AGBL4: variants seen among roughly 807,000 people sequenced by gnomAD.
AGBL4 encodes AGBL carboxypeptidase 4.
In AGBL4, 58 loss-of-function variants were observed where a neutral mutation model predicts 66.4. The observed-to-expected ratio is 0.87, with a 90% confidence interval of 0.71 to 1.09. The LOEUF is 1.09. Ranked by LOEUF, AGBL4 falls within the 50% of genes least tolerant of loss-of-function variation. The pLI, the probability that AGBL4 is intolerant of heterozygous loss-of-function variation, is 0.00. For missense variants in AGBL4, 579 were observed against 631.0 expected, an observed-to-expected ratio of 0.92 and a Z score of 0.88; for synonymous variants, 234 against 222.9, an observed-to-expected ratio of 1.05 and a Z score of -0.44.
intron 9 of AGBL4, among the ~76,000 whole-genome samples, chr1:48,602,033 CT>C (rs1239325818): frequency 2.6e-5 from 4 of 152,068 alleles, no homozygotes; most frequent in Non-Finnish European, 5.9e-5. Context: ...ATGTTGCTTC[CT>C]TATAAATCAA....
chr1:49,354,240 C>T (rs1201355900), intron 3 of AGBL4, among the ~76,000 whole-genome samples: 2 of 152,226 alleles, frequency 1.3e-5, no homozygotes, highest in Non-Finnish European at 2.9e-5. Context: ...ATAAATGAGC[C>T]ACAACATTGT....
chr1:49,545,502 A>G (rs1652401045), intron 3 of AGBL4, among the ~76,000 whole-genome samples: 1 of 152,168 alleles, frequency 6.6e-6, no homozygotes, highest in Non-Finnish European at 1.5e-5. Flanking sequence ...CACAGAAACT[A>G]TATGTTGTTT....
At chr1:49,849,478 TACACACAC>T (rs772101356) in intron 2 of AGBL4, among the ~76,000 whole-genome samples, 2 of 135,826 alleles carry the variant, frequency 1.5e-5, no homozygotes, top group Non-Finnish European at 3.1e-5. Flanking sequence ...AAAGTATACA[TACACACAC>T]ACACACACAC....
At chr1:48,972,590 G>A (rs1658999732) in intron 5 of AGBL4, among the ~76,000 whole-genome samples, 1 of 152,096 alleles carries the variant, frequency 6.6e-6, no homozygotes, top group Admixed American at 6.6e-5. Context: ...TTCTTACAGC[G>A]TAGCTAGAAT....
In AGBL4 at chr1:48,539,651, G is replaced by A. The variant is rs955516176; in HGVS notation, c.1355C>T (p.Pro452Leu). Residue 452 changes from proline to leucine, a missense_variant, in exon 12 of 14, where the codon CCG becomes CTG. Pro to Leu is a moderately conservative substitution (Grantham distance 98, BLOSUM62 -3). Coordinates refer to ENST00000371839, the MANE Select transcript of AGBL4 (RefSeq NM_032785.4). ...PVVEKVAIPM[P>L]RLRNKEIEVQ... ...CTGCTCTGCCACTTACCGCAGTCTC[G>A]GCATGGGAATTGCCACCTTTTCAAC... 24 of 1,540,244 alleles carry A rather than the reference G, an allele frequency of 1.6e-5. No individual in the cohort carries two copies. Among genetic ancestry groups the A allele is most frequent in the African/African-American group, 9.7e-5 (7 of 72,326 alleles).
chr1:49,205,606 A>G (rs1395284563), intron 4 of AGBL4, among the ~76,000 whole-genome samples: 1 of 152,094 alleles, frequency 6.6e-6, no homozygotes, highest in Admixed American at 6.6e-5. Flanking sequence ...AGACTCTGGT[A>G]CAAGCCCCAG....
intron 3 of AGBL4, among the ~76,000 whole-genome samples, chr1:49,267,503 A>C (rs1179974175): frequency 6.6e-6 from 1 of 152,114 alleles, no homozygotes; most frequent in Non-Finnish European, 1.5e-5. Context: ...ACACAGTGAA[A>C]CCCTGTCTCT....
rs377669215 is a variant in AGBL4 at position 49,929,505 on chromosome 1, G to C, written c.35-77987C>G. ...CCAGTAAAAATATGTGCCAAAAACTGAAGTAAATAAGTAAATTTTGTGGAA... is the reference window on the plus strand; with the variant it reads ...CCAGTAAAAATATGTGCCAAAAACTCAAGTAAATAAGTAAATTTTGTGGAA... On this transcript the variant is annotated intron_variant, in intron 1 of 13. Coordinates refer to ENST00000371839, the MANE Select transcript of AGBL4 (RefSeq NM_032785.4). Among the ~76,000 whole-genome samples the C allele has an allele frequency of 3.3e-4, 50 of 152,076 alleles. 1 individual carries two copies. The South Asian group carries it at 9.6e-3, about 29-fold the overall frequency.
rs77648005 is a variant in AGBL4 at position 48,879,182 on chromosome 1, A to G, written c.595-11952T>C. 3.6e-3 allele frequency among the ~76,000 whole-genome samples: 542 copies of G among 151,904 alleles called. 4 individuals are homozygous for G. Among genetic ancestry groups the G allele is most frequent in the Non-Finnish European group, 6.0e-3 (406 of 67,962 alleles). On this transcript the variant is annotated intron_variant, in intron 5 of 13. Coordinates refer to ENST00000371839, the MANE Select transcript of AGBL4 (RefSeq NM_032785.4). ...ATACCTTTTGTTACATGGAGAAAGC[A>G]AATGTGTTCAGTATAAAAAAAAAAA... is the stretch of plus-strand genomic sequence containing the variant.
chr1:49,717,381 A>T (rs1442998585), intron 2 of AGBL4, among the ~76,000 whole-genome samples: 1 of 152,062 alleles, frequency 6.6e-6, no homozygotes, highest in African/African-American at 2.4e-5. Flanking sequence ...ATTGTGGCTT[A>T]GCATTTTATT....
intron 12 of AGBL4, among the ~76,000 whole-genome samples, chr1:48,536,021 C>T (rs534749416): frequency 6.6e-6 from 1 of 152,018 alleles, no homozygotes; most frequent in African/African-American, 2.4e-5. Flanking sequence ...TGCATAGAAG[C>T]CATGACAATA....
chr1:49,967,229 T>C (rs139467656), intron 1 of AGBL4, among the ~76,000 whole-genome samples: 179 of 152,320 alleles, frequency 1.2e-3, no homozygotes, highest in African/African-American at 4.2e-3. Context: ...CTCACTGTGG[T>C]TTTGATTTGC....
At chr1:48,929,232 G>C (rs896157157) in intron 5 of AGBL4, among the ~76,000 whole-genome samples, 2 of 152,280 alleles carry the variant, frequency 1.3e-5, no homozygotes, top group South Asian at 4.2e-4. Context: ...AGATTAAAAT[G>C]TATCCCACGG....
chr1:49,022,052 A>G (rs1395786403), intron 5 of AGBL4, among the ~76,000 whole-genome samples: 1 of 152,208 alleles, frequency 6.6e-6, no homozygotes, highest in Non-Finnish European at 1.5e-5. Context: ...AGAAACTTTT[A>G]AATACATATG....
At chr1:48,998,761 C>T (rs1571194865) in intron 5 of AGBL4, among the ~76,000 whole-genome samples, 1 of 152,262 alleles carries the variant, frequency 6.6e-6, no homozygotes, top group South Asian at 2.1e-4. Context: ...AATTCAGAAC[C>T]ATTTGTGAAA....
intron 3 of AGBL4, among the ~76,000 whole-genome samples, chr1:49,669,911 T>A (rs1029266936): frequency 2.6e-5 from 4 of 151,860 alleles, no homozygotes; most frequent in South Asian, 4.1e-4. Flanking sequence ...AAGGAAAGAA[T>A]GAAGAGCACA....
intron 6 of AGBL4, among the ~76,000 whole-genome samples, chr1:48,819,626 G>C (rs1034613514): frequency 1.3e-5 from 2 of 152,180 alleles, no homozygotes; most frequent in Non-Finnish European, 1.5e-5. Context: ...GTGAACCAAG[G>C]AATGCTAGAC....
intron 5 of AGBL4, among the ~76,000 whole-genome samples, chr1:48,939,242 A>C (rs1377932666): frequency 1.3e-5 from 2 of 152,238 alleles, no homozygotes; most frequent in Non-Finnish European, 2.9e-5. Flanking sequence ...ATTTGCTAAA[A>C]GAATGTCTTG....
At chr1:49,207,546 CTTT>C (rs1648295986) in intron 4 of AGBL4, among the ~76,000 whole-genome samples, 2 of 76,132 alleles carry the variant, frequency 2.6e-5, no homozygotes, top group African/African-American at 5.9e-5. Context: ...TCTTTCTTTT[CTTT>C]CTTTCTTTCT....
Sources: allele counts gnomAD v4.1 joint callset (sites outside exome capture counted in the v4.1 genomes callset), GRCh38; gene constraint gnomAD v4.1.1; transcripts MANE v1.5; gene names NCBI Gene and HGNC (gene_info 2026-07-23, HGNC 2026-07-21).